The following ANO3 variants were observed in gnomAD, a reference collection of about 807,000 sequenced individuals.
ANO3 encodes the protein anoctamin-3.
Under a neutral mutation model 144.8 loss-of-function variants are expected in ANO3, and 99 were observed. That is an observed-to-expected ratio of 0.68 (90% CI 0.58 to 0.81). The LOEUF (loss-of-function observed/expected upper bound fraction) is 0.81. ANO3 is among the 30% of genes least tolerant of loss of function. The probability of loss-of-function intolerance (pLI) is 0.00; values close to 1 mark genes in which losing one functional copy is unlikely to be tolerated. For synonymous variants in ANO3, 414 were observed against 392.6 expected, an observed-to-expected ratio of 1.05 and a Z score of -0.64; for missense variants, 905 against 1,202.2, an observed-to-expected ratio of 0.75 and a Z score of 3.66.
Position 26,662,500 on chromosome 11 carries a change from A to G in ANO3, c.*2056A>G, listed in dbSNP as rs534313129. On this transcript the variant is annotated 3_prime_UTR_variant, in exon 27 of 27. Coordinates refer to ENST00000256737, the MANE Select transcript of ANO3 (RefSeq NM_031418.4). Reference sequence around the variant, plus strand: ...CATCAACCAACATCTTTTCCAAATTAGGGCCACAGAACAGCAACATTTGTC... The same window carrying G: ...CATCAACCAACATCTTTTCCAAATTGGGGCCACAGAACAGCAACATTTGTC... 3 of 152,206 alleles carry G rather than the reference A, an allele frequency of 2.0e-5. No homozygotes were observed. The South Asian group carries it at 6.2e-4, about 32-fold the overall frequency. 9.4% of individuals were successfully genotyped at this position (152,206 alleles called of 1,614,324 possible). A position where few individuals can be genotyped will look rare whatever the true frequency, so the allele number is the denominator to read the frequency against.
At chr11:26,264,506 A>T (rs989965011) in intron 1 of ANO3, among the ~76,000 whole-genome samples, 1 of 152,194 alleles carries the variant, frequency 6.6e-6, no homozygotes, top group Non-Finnish European at 1.5e-5. Context: ...TTATTTTGAT[A>T]CTATTTGTGT....
intron 20 of ANO3, among the ~76,000 whole-genome samples, chr11:26,637,985 G>A (rs374508200): frequency 1.3e-5 from 2 of 152,090 alleles, no homozygotes; most frequent in Non-Finnish European, 2.9e-5. Context: ...TTGAAATCAC[G>A]TTTTTGTTTG....
At chr11:26,189,649 G>A (rs981307135) in intron 1 of ANO3, among the ~76,000 whole-genome samples, 7 of 152,136 alleles carry the variant, frequency 4.6e-5, no homozygotes, top group African/African-American at 9.7e-5. Flanking sequence ...TGGCATGACC[G>A]ATGAAATCAG....
chr11:26,427,652 A>G (rs1042854588), intron 1 of ANO3, among the ~76,000 whole-genome samples: 1 of 152,084 alleles, frequency 6.6e-6, no homozygotes, highest in Non-Finnish European at 1.5e-5. Flanking sequence ...GTTGCACAAC[A>G]ACTCGAGTTA....
At chr11:26,390,836 T>A (rs12273668) in intron 1 of ANO3, among the ~76,000 whole-genome samples, 40,395 of 151,978 alleles carry the variant, frequency 0.27, 6,031 homozygotes, top group African/African-American at 0.41. Context: ...GCATAAATTC[T>A]TTGCAAGTGA....
chr11:26,277,451 T>C (rs1853582412), intron 1 of ANO3, among the ~76,000 whole-genome samples: 1 of 152,114 alleles, frequency 6.6e-6, no homozygotes, highest in Admixed American at 6.6e-5. Flanking sequence ...AATCCTTAAG[T>C]GGATCCTAAT....
rs747260200 is a variant in ANO3, at chr11:26,415,049, G to GGTGTGT, written c.47-26868_47-26863dup. ...GGAGCCAGATTGTATAAAAGTTATTGGTGTGTATGTGTGTGTGTGTGTGTG... is the reference window on the plus strand; with the variant it reads ...GGAGCCAGATTGTATAAAAGTTATTGGTGTGTGTGTGTATGTGTGTGTGTGTGTGTG... On this transcript the variant is annotated intron_variant, in intron 1 of 26. Coordinates refer to ENST00000256737, the MANE Select transcript of ANO3 (RefSeq NM_031418.4). Among the ~76,000 whole-genome samples the GGTGTGT allele has an allele frequency of 2.9e-3, 267 of 93,478 alleles. 5 individuals are homozygous for GGTGTGT. The South Asian group carries it at 0.08, about 28-fold the overall frequency. The allele number at this position is 93,478 out of a possible 152,430, so 61.3% of individuals were successfully genotyped here. A position where few individuals can be genotyped will look rare whatever the true frequency, so the allele number is the denominator to read the frequency against.
At chr11:26,433,283 A>G (rs1858183145) in intron 1 of ANO3, among the ~76,000 whole-genome samples, 1 of 152,074 alleles carries the variant, frequency 6.6e-6, no homozygotes, top group Admixed American at 6.6e-5. Flanking sequence ...CAGCTCTAAG[A>G]GCTTTGGGTC....
intron 11 of ANO3, among the ~76,000 whole-genome samples, chr11:26,543,821 G>A (rs1020926844): frequency 6.6e-6 from 1 of 152,070 alleles, no homozygotes; most frequent in African/African-American, 2.4e-5. Flanking sequence ...GTATTCCATG[G>A]TGTATATGTG....
intron 3 of ANO3, among the ~76,000 whole-genome samples, chr11:26,453,421 G>T (rs966122904): frequency 1.3e-5 from 2 of 152,058 alleles, no homozygotes; most frequent in Admixed American, 6.5e-5. Context: ...AAAGGCAGGG[G>T]TTGCAATCCT....
chr11:26,660,320 G>T lies in ANO3; in HGVS notation c.2822G>T (p.Gly941Val), dbSNP rs776998923. The T allele has an allele frequency of 5.0e-6, 8 of 1,613,548 alleles. No individual in the cohort carries two copies. The highest frequency in any genetic ancestry group is 1.7e-5 in the Admixed American group (1 of 59,944). ...IAYLIPDVPKGLHDRIRREKY... is the reference protein window; with the variant it reads ...IAYLIPDVPKVLHDRIRREKY... ...TACCTGATTCCAGACGTACCAAAGG[G>T]TCTACATGACCGAATACGACGAGAG... Residue 941 changes from glycine to valine, a missense_variant, in exon 27 of 27, where the codon GGT becomes GTT. This residue lies in a region of ANO3 where 597 missense variants were observed against 865.1 expected (regional missense o/e 0.69). Transcript: ENST00000256737.
intron 1 of ANO3, among the ~76,000 whole-genome samples, chr11:26,217,317 T>A (rs933978363): frequency 5.3e-5 from 8 of 151,964 alleles, no homozygotes; most frequent in Admixed American, 6.6e-5. Context: ...GGACATTTTT[T>A]AAAATCATCC....
At chr11:26,209,497 G>T (rs1851887172) in intron 1 of ANO3, among the ~76,000 whole-genome samples, 1 of 152,130 alleles carries the variant, frequency 6.6e-6, no homozygotes, top group Non-Finnish European at 1.5e-5. Context: ...ATGATCCTTT[G>T]GGTATATACC....
At chr11:26,614,948 C>T (rs1852207581) in intron 17 of ANO3, among the ~76,000 whole-genome samples, 1 of 151,942 alleles carries the variant, frequency 6.6e-6, no homozygotes, top group Admixed American at 6.6e-5. Context: ...GGGACGAGTG[C>T]CAGGTAACCG....
intron 1 of ANO3, among the ~76,000 whole-genome samples, chr11:26,410,379 T>A (rs544205837): frequency 2.0e-5 from 3 of 152,048 alleles, no homozygotes; most frequent in Non-Finnish European, 2.9e-5. Context: ...TAACTGAGGT[T>A]ATATCAGAAA....
intron 3 of ANO3, among the ~76,000 whole-genome samples, chr11:26,457,742 A>G (rs1287001412): frequency 3.3e-5 from 5 of 152,138 alleles, no homozygotes; most frequent in Non-Finnish European, 5.9e-5. Context: ...TTTGTTCTTC[A>G]ACATATGAAG....
At position 26,332,321 on chromosome 11, in the gene ANO3, G is replaced by A; in HGVS notation, c.46G>A (p.Gly16Ser). ...GSIQSFKQQKGMNISKSEITK... is the reference protein window; with the variant it reads ...GSIQSFKQQKSMNISKSEITK... ...CATTCAGTCCTTTAAACAGCAAAAA[G>A]GTCAGTTGGAATCTTGCTCCCCTCT... The change falls in exon 1 of 27, where the codon GGT (glycine) becomes AGT (serine). Residue 16 changes from glycine (G) to serine (S), a missense_variant and splice_region_variant. This residue lies in a region of ANO3 where 174 missense variants were observed against 171.9 expected (regional missense o/e 1.01). Transcript: ENST00000256737. 1 of 1,613,740 alleles carries A rather than the reference G, an allele frequency of 6.2e-7. No homozygotes were observed. The highest frequency in any genetic ancestry group is 8.5e-7 in the Non-Finnish European group (1 of 1,179,980).
intron 9 of ANO3, among the ~76,000 whole-genome samples, chr11:26,536,631 A>G (rs1477717929): frequency 6.6e-6 from 1 of 152,088 alleles, no homozygotes; most frequent in African/African-American, 2.4e-5. Context: ...AAAAATTACC[A>G]TTATGAATAT....
intron 1 of ANO3, among the ~76,000 whole-genome samples, chr11:26,355,011 CTT>C (rs5790571): frequency 6.7e-6 from 1 of 148,346 alleles, no homozygotes; most frequent in Non-Finnish European, 1.5e-5. Context: ...AATTGTAACT[CTT>C]TTTTTTTTTC....
Sources: allele counts gnomAD v4.1 joint callset (sites outside exome capture counted in the v4.1 genomes callset), GRCh38; gene constraint gnomAD v4.1.1; regional missense constraint gnomAD v4.1.1; transcripts MANE v1.5; gene names NCBI Gene and HGNC (gene_info 2026-07-23, HGNC 2026-07-21).